Variants in HECW1 observed in about 807,000 individuals in gnomAD.
The protein encoded by HECW1 is HECT, C2 and WW domain containing E3 ubiquitin protein ligase 1, also known as E3 ubiquitin-protein ligase HECW1.
A neutral mutation model predicts 182.3 loss-of-function variants in HECW1; 61 were observed. The ratio of observed to expected loss-of-function variants is 0.33; its 90% CI spans 0.27 to 0.41. The LOEUF is 0.41. Among genes scored for constraint, HECW1 ranks in the 10% least tolerant of loss-of-function variants. The probability of loss-of-function intolerance (pLI) is 1.00; values close to 1 mark genes in which losing one functional copy is unlikely to be tolerated. For missense variants in HECW1, 1,739 were observed against 2,108.9 expected, an observed-to-expected ratio of 0.82 and a Z score of 3.44; for synonymous variants, 859 against 832.6, an observed-to-expected ratio of 1.03 and a Z score of -0.55.
chr7:43,333,344 C>T (rs1811728007), intron 5 of HECW1, among the ~76,000 whole-genome samples: 1 of 152,198 alleles, frequency 6.6e-6, no homozygotes, highest in South Asian at 2.1e-4. Context: ...TAGAGAAAGT[C>T]ACATTAAAAG....
intron 24 of HECW1, among the ~76,000 whole-genome samples, chr7:43,525,182 C>T (rs2152942033): frequency 6.6e-6 from 1 of 152,206 alleles, no homozygotes; most frequent in African/African-American, 2.4e-5. Flanking sequence ...GCCCAATAAT[C>T]GGTCGGAATA....
At chr7:43,451,748 C>G (rs368218332) in intron 12 of HECW1, among the ~76,000 whole-genome samples, 13 of 152,306 alleles carry the variant, frequency 8.5e-5, no homozygotes, top group African/African-American at 3.1e-4. Context: ...CTTGGCATCA[C>G]ATATGTTCAT....
chr7:43,191,878 T>C (rs976102019), intron 2 of HECW1, among the ~76,000 whole-genome samples: 26 of 152,248 alleles, frequency 1.7e-4, no homozygotes, highest in African/African-American at 5.8e-4. Context: ...AAATACATTT[T>C]TGATGGCTTA....
chr7:43,400,611 T>C (rs1272103305), intron 7 of HECW1, among the ~76,000 whole-genome samples: 1 of 152,010 alleles, frequency 6.6e-6, no homozygotes, highest in African/African-American at 2.4e-5. Flanking sequence ...CTCAACAAAA[T>C]AGAGGGAAGT....
rs181790258 is a variant in HECW1, at chr7:43,431,039, G to A, written c.802-6964G>A. 3.5e-4 allele frequency among the ~76,000 whole-genome samples: 53 copies of A among 152,044 alleles called. No individual in the cohort carries two copies. In the East Asian group the frequency reaches 9.7e-3, roughly 28 times the overall value. ...ATTCCTCCTGCCTCAGCCTCCCGAA[G>A]TGCTGGGATTACAGGCATGAGCCAC... is the stretch of plus-strand genomic sequence containing the variant. On this transcript the variant is annotated intron_variant, in intron 8 of 29. Transcript: ENST00000395891.
intron 8 of HECW1, among the ~76,000 whole-genome samples, chr7:43,417,207 C>T (rs900052387): frequency 6.6e-6 from 1 of 152,118 alleles, no homozygotes; most frequent in Non-Finnish European, 1.5e-5. Flanking sequence ...CCCACCACCA[C>T]GCCCAGCTAA....
At chr7:43,502,755 G>A (rs1221207219) in intron 21 of HECW1, among the ~76,000 whole-genome samples, 1 of 152,164 alleles carries the variant, frequency 6.6e-6, no homozygotes, top group Non-Finnish European at 1.5e-5. Context: ...TCCAGATATT[G>A]GAGAATTTTT....
At chr7:43,389,004 C>T (rs527536152) in intron 6 of HECW1, among the ~76,000 whole-genome samples, 57 of 152,244 alleles carry the variant, frequency 3.7e-4, no homozygotes, top group African/African-American at 1.3e-3. Context: ...ACCAAGGTGC[C>T]AGTGATGGGG....
chr7:43,144,003 G>A (rs1457264790), intron 2 of HECW1, among the ~76,000 whole-genome samples: 4 of 152,160 alleles, frequency 2.6e-5, no homozygotes, highest in Admixed American at 2.6e-4. Context: ...TGATGATATT[G>A]CTGCACTCAC....
intron 3 of HECW1, among the ~76,000 whole-genome samples, chr7:43,263,319 G>A (rs1305049370): frequency 1.3e-5 from 2 of 152,174 alleles, no homozygotes; most frequent in East Asian, 3.9e-4. Flanking sequence ...TAGCACTGCA[G>A]AACAAGCCAT....
At chr7:43,416,469 C>T (rs1032772799) in intron 8 of HECW1, among the ~76,000 whole-genome samples, 15 of 151,978 alleles carry the variant, frequency 9.9e-5, no homozygotes, top group Non-Finnish European at 1.9e-4. Flanking sequence ...GCAGAGGTTA[C>T]TGCTGTCTTT....
At chr7:43,355,125 G>C (rs1814952701) in intron 5 of HECW1, among the ~76,000 whole-genome samples, 2 of 151,726 alleles carry the variant, frequency 1.3e-5, no homozygotes, top group Middle Eastern at 3.4e-3. Flanking sequence ...AGAAACAAAG[G>C]CTAAAAGAAT....
chr7:43,125,626 C>T (rs530445857), intron 2 of HECW1, among the ~76,000 whole-genome samples: 3 of 151,754 alleles, frequency 2.0e-5, no homozygotes, highest in Non-Finnish European at 4.4e-5. Context: ...GGCATGGTGT[C>T]ACATGGCTGT....
At chr7:43,304,385 A>G (rs949570870) in intron 3 of HECW1, among the ~76,000 whole-genome samples, 3 of 152,192 alleles carry the variant, frequency 2.0e-5, no homozygotes, top group African/African-American at 7.2e-5. Context: ...TCCTGAGCTC[A>G]AGGAGCAGAG....
chr7:43,307,961 ACT>A (rs1807835624), intron 3 of HECW1, among the ~76,000 whole-genome samples: 1 of 133,892 alleles, frequency 7.5e-6, no homozygotes, highest in Non-Finnish European at 1.5e-5. Context: ...TATTATATAT[ACT>A]GTATATCTTA....
intron 17 of HECW1, among the ~76,000 whole-genome samples, chr7:43,486,591 G>A (rs540364027): frequency 3.0e-4 from 45 of 152,288 alleles, no homozygotes; most frequent in Non-Finnish European, 5.6e-4. Context: ...GTGAGCCACC[G>A]TGCCTGGCCT....
intron 5 of HECW1, among the ~76,000 whole-genome samples, chr7:43,355,348 A>G (rs1814992435): frequency 6.6e-6 from 1 of 152,238 alleles, no homozygotes; most frequent in Admixed American, 6.5e-5. Context: ...CAAAAGATAA[A>G]TTGATCAAAA....
Position 43,320,726 on chromosome 7 carries a change from C to T in HECW1, c.444C>T (p.Ser148=). 1.2e-6 allele frequency: 2 copies of T among 1,613,406 alleles called. No individual in the cohort carries two copies. Among genetic ancestry groups the T allele is most frequent in the Non-Finnish European group, 1.7e-6 (2 of 1,179,286 alleles). ...RGQIIWKIDA[S]SYFVEPETKI... is the part of the protein sequence containing the mutation. The stretch of plus-strand genomic sequence containing the variant: ...AGATCATCTGGAAGATCGATGCCAG[C>T]TCGTACTTTGTGGAACGTGAGTACC... Residue 148 remains serine, a synonymous_variant, in exon 5 of 30, where the codon AGC becomes AGT. Coordinates refer to ENST00000395891, the MANE Select transcript of HECW1 (RefSeq NM_015052.5).
chr7:43,300,561 T>C (rs1806615216), intron 3 of HECW1, among the ~76,000 whole-genome samples: 1 of 152,174 alleles, frequency 6.6e-6, no homozygotes, highest in Admixed American at 6.5e-5. Flanking sequence ...GAGATGACTT[T>C]ATATTGCTAA....
Sources: gnomAD v4.1 joint callset for allele counts (sites outside exome capture counted in the v4.1 genomes callset) on GRCh38, gnomAD v4.1.1 for gene constraint, MANE v1.5 for transcripts, NCBI Gene and HGNC (gene_info 2026-07-23, HGNC 2026-07-21) for gene names.